Variants in PTPRD observed in about 807,000 individuals in gnomAD.
PTPRD encodes receptor-type tyrosine-protein phosphatase delta.
PTPRD carries 34 observed loss-of-function variants against 214.5 expected under a neutral mutation model. That is an observed-to-expected ratio of 0.16 (90% CI 0.12 to 0.21). PTPRD has a LOEUF of 0.21. Among genes scored for constraint, PTPRD ranks in the 10% least tolerant of loss-of-function variants. The probability of loss-of-function intolerance (pLI) is 1.00; values close to 1 mark genes in which losing one functional copy is unlikely to be tolerated. For synonymous variants in PTPRD, 1,128 were observed against 845.7 expected (o/e 1.33, Z -5.79); for missense variants, 2,545 against 2,398.7 (o/e 1.06, Z -1.27).
At chr9:10,081,795 C>T (rs572258226) in intron 3 of PTPRD, among the ~76,000 whole-genome samples, 1 of 152,000 alleles carries the variant, frequency 6.6e-6, no homozygotes, top group East Asian at 1.9e-4. Flanking sequence ...TTTCTAAATC[C>T]ACCAATTTTA....
intron 11 of PTPRD, among the ~76,000 whole-genome samples, chr9:8,897,829 A>C (rs2098632630): frequency 6.6e-6 from 1 of 152,178 alleles, no homozygotes; most frequent in Non-Finnish European, 1.5e-5. Flanking sequence ...CAGGATTGGC[A>C]CCAAACTTCT....
At chr9:10,450,545 G>T (rs910539938) in intron 2 of PTPRD, among the ~76,000 whole-genome samples, 1 of 151,840 alleles carries the variant, frequency 6.6e-6, no homozygotes. Context: ...TATATTTTAC[G>T]AATCCTTAGG....
chr9:9,484,507 T>A (rs1171486234), intron 8 of PTPRD, among the ~76,000 whole-genome samples: 1 of 152,156 alleles, frequency 6.6e-6, no homozygotes, highest in African/African-American at 2.4e-5. Flanking sequence ...AACAGTCAAA[T>A]TGCATTCAAG....
intron 11 of PTPRD, among the ~76,000 whole-genome samples, chr9:8,759,664 A>G (rs1279471914): frequency 7.7e-6 from 1 of 129,990 alleles, no homozygotes; most frequent in African/African-American, 3.2e-5. Flanking sequence ...TACTCATTTC[A>G]CTATGTTTTC....
intron 5 of PTPRD, among the ~76,000 whole-genome samples, chr9:9,847,768 C>T (rs571499235): frequency 3.9e-5 from 6 of 152,082 alleles, no homozygotes; most frequent in African/African-American, 9.6e-5. Context: ...GAAGTTATTT[C>T]GGAGCATTAA....
chr9:8,350,908 G>A (rs2075269858), intron 39 of PTPRD, among the ~76,000 whole-genome samples: 1 of 152,064 alleles, frequency 6.6e-6, no homozygotes, highest in Non-Finnish European at 1.5e-5. Flanking sequence ...GGGTAGTTTT[G>A]CAATCTTCAT....
Position 9,396,457 on chromosome 9 carries a change from T to C in PTPRD, c.-203+992A>G, listed in dbSNP as rs543273294. Among the ~76,000 whole-genome samples, 6 of 152,194 alleles carry C rather than the reference T, an allele frequency of 3.9e-5. No homozygotes were observed. In the South Asian group the frequency reaches 1.2e-3, roughly 32 times the overall value. ...AGGTTTGAGAAGCACCAATGTAATA[T>C]ACAATAAGGCTTTTAATATTTTTTT... is the stretch of plus-strand genomic sequence containing the variant. On this transcript the variant is annotated intron_variant, in intron 9 of 45. Transcript: ENST00000381196.
At chr9:9,532,397 G>A (rs1178362847) in intron 8 of PTPRD, among the ~76,000 whole-genome samples, 2 of 152,098 alleles carry the variant, frequency 1.3e-5, no homozygotes, top group East Asian at 3.9e-4. Flanking sequence ...ACCAAACCAA[G>A]ACCCAAACTG....
intron 3 of PTPRD, among the ~76,000 whole-genome samples, chr9:10,242,475 G>T (rs149815464): frequency 6.6e-6 from 1 of 151,888 alleles, no homozygotes; most frequent in African/African-American, 2.4e-5. Flanking sequence ...ATATGAATTA[G>T]ATCACAGGTA....
intron 6 of PTPRD, among the ~76,000 whole-genome samples, chr9:9,741,655 T>TTC (rs1189479893): frequency 6.6e-6 from 1 of 152,190 alleles, no homozygotes; most frequent in Admixed American, 6.5e-5. Flanking sequence ...CCTCCCTGCG[T>TTC]TGGTGTATTC....
At chr9:10,093,928 A>G (rs965225022) in intron 3 of PTPRD, among the ~76,000 whole-genome samples, 5 of 151,262 alleles carry the variant, frequency 3.3e-5, no homozygotes, top group African/African-American at 1.2e-4. Context: ...GACACGGGGG[A>G]CTACTAGAGC....
chr9:9,845,482 G>C (rs1019240239), intron 5 of PTPRD, among the ~76,000 whole-genome samples: 2 of 151,782 alleles, frequency 1.3e-5, no homozygotes, highest in East Asian at 3.9e-4. Flanking sequence ...GCATATACGT[G>C]TGTGTGTTTG....
At chr9:8,413,672 A>C (rs1314153355) in intron 35 of PTPRD, among the ~76,000 whole-genome samples, 1 of 152,162 alleles carries the variant, frequency 6.6e-6, no homozygotes, top group Admixed American at 6.6e-5. Flanking sequence ...ACACAGGATG[A>C]TCATTAATAC....
chr9:8,477,003 CA>C (rs1380343546), intron 30 of PTPRD, among the ~76,000 whole-genome samples: 1 of 151,886 alleles, frequency 6.6e-6, no homozygotes, highest in Non-Finnish European at 1.5e-5. Flanking sequence ...GTTCTAATCT[CA>C]CAGGACATTA....
At chr9:9,399,690 C>T (rs1010430670) in intron 8 of PTPRD, among the ~76,000 whole-genome samples, 81 of 151,974 alleles carry the variant, frequency 5.3e-4, no homozygotes, top group Non-Finnish European at 2.5e-4. Flanking sequence ...GAAGAGGTCT[C>T]ATGAGATCTG....
intron 8 of PTPRD, among the ~76,000 whole-genome samples, chr9:9,444,523 C>A (rs76191363): frequency 2.1e-3 from 314 of 152,246 alleles, no homozygotes; most frequent in African/African-American, 7.3e-3. Flanking sequence ...TAACTTGATT[C>A]AAATGATTGC....
At chr9:9,286,468 T>C (rs146057189) in intron 9 of PTPRD, among the ~76,000 whole-genome samples, 3 of 151,966 alleles carry the variant, frequency 2.0e-5, no homozygotes, top group African/African-American at 7.2e-5. Context: ...TCCAATCATT[T>C]TGTAATTATC....
chr9:9,496,666 T>A (rs2096205568), intron 8 of PTPRD, among the ~76,000 whole-genome samples: 1 of 152,202 alleles, frequency 6.6e-6, no homozygotes. Flanking sequence ...TGTAAAATGA[T>A]ATAGCTGCTG....
intron 15 of PTPRD, 110 bp from the exon 16 acceptor site, chr9:8,527,463 T>G: frequency 2.2e-6 from 2 of 900,092 alleles, no homozygotes. Flanking sequence ...AAATCATCTA[T>G]GTTACATGTG....
Sources: gnomAD v4.1 joint callset for allele counts (sites outside exome capture counted in the v4.1 genomes callset) on GRCh38, gnomAD v4.1.1 for gene constraint, MANE v1.5 for transcripts, NCBI Gene and HGNC (gene_info 2026-07-23, HGNC 2026-07-21) for gene names.